Variants in CSMD1 observed in about 807,000 individuals in gnomAD.
The protein encoded by CSMD1 is CUB and sushi domain-containing protein 1.
Under a neutral mutation model 417.5 loss-of-function variants are expected in CSMD1, and 213 were observed. That is an observed-to-expected ratio of 0.51 (90% CI 0.46 to 0.57). CSMD1 has a LOEUF of 0.57. Ranked by LOEUF, CSMD1 falls within the 20% of genes least tolerant of loss-of-function variation. The probability of loss-of-function intolerance (pLI) is 0.00; values close to 1 mark genes in which losing one functional copy is unlikely to be tolerated. For synonymous variants in CSMD1, 2,862 were observed against 1,736.8 expected (o/e 1.65, Z -16.11); for missense variants, 6,923 against 4,529.7 (o/e 1.53, Z -15.17).
intron 12 of CSMD1, among the ~76,000 whole-genome samples, chr8:3,414,351 G>C (rs980113284): frequency 1.3e-5 from 2 of 151,548 alleles, no homozygotes; most frequent in African/African-American, 4.8e-5. Context: ...ACATAGTCCA[G>C]TTACAAATAC....
At chr8:3,242,585 C>T (rs371973200) in intron 26 of CSMD1, among the ~76,000 whole-genome samples, 5 of 151,932 alleles carry the variant, frequency 3.3e-5, no homozygotes, top group Admixed American at 6.6e-5. Context: ...TGGGGTCAAG[C>T]GGCATTGCAG....
At chr8:3,487,040 G>C (rs903220575) in intron 11 of CSMD1, among the ~76,000 whole-genome samples, 1 of 152,060 alleles carries the variant, frequency 6.6e-6, no homozygotes, top group African/African-American at 2.4e-5. Flanking sequence ...TGACACAAAA[G>C]CACTTACCTG....
intron 3 of CSMD1, among the ~76,000 whole-genome samples, chr8:4,033,852 C>A (rs907904606): frequency 1.3e-5 from 2 of 152,268 alleles, no homozygotes; most frequent in South Asian, 2.1e-4. Context: ...TGATTTTGAA[C>A]TGAAACGGTA....
At chr8:4,471,693 G>C (rs111389071) in intron 2 of CSMD1, among the ~76,000 whole-genome samples, 11 of 152,046 alleles carry the variant, frequency 7.2e-5, no homozygotes, top group African/African-American at 2.7e-4. Context: ...AACGCAGAGA[G>C]AACACGACCC....
intron 3 of CSMD1, among the ~76,000 whole-genome samples, chr8:4,099,395 C>G (rs73173829): frequency 0.096 from 14,612 of 152,146 alleles, 790 homozygotes; most frequent in Middle Eastern, 0.19. Context: ...CTATCGCTTA[C>G]CTGAAGCTGC....
chr8:3,005,464 A>T (rs1807806608), intron 52 of CSMD1, among the ~76,000 whole-genome samples: 1 of 152,174 alleles, frequency 6.6e-6, no homozygotes, highest in African/African-American at 2.4e-5. Flanking sequence ...GCAGAAACAC[A>T]ACCAAAAAAG....
At chr8:3,628,004 T>C (rs1223549821) in intron 7 of CSMD1, among the ~76,000 whole-genome samples, 1 of 152,192 alleles carries the variant, frequency 6.6e-6, no homozygotes, top group Non-Finnish European at 1.5e-5. Flanking sequence ...CTAATATGAA[T>C]TCCTATGTAA....
intron 7 of CSMD1, among the ~76,000 whole-genome samples, chr8:3,634,713 C>T (rs1448539206): frequency 6.6e-6 from 1 of 152,080 alleles, no homozygotes; most frequent in East Asian, 1.9e-4. Context: ...ACTGTGCTGC[C>T]TACTCAGCCT....
In CSMD1 at chr8:4,963,411, C is replaced by G. The variant is rs143565898; in HGVS notation, c.85+30921G>C. ...GACGAGGTTTCACCATGTTGACCAG[C>G]TTGGTCTCGAACTCCTGACCTCAAG... On this transcript the variant is annotated intron_variant, in intron 1 of 69. Coordinates refer to ENST00000635120, the MANE Select transcript of CSMD1 (RefSeq NM_033225.6). Among the ~76,000 whole-genome samples the G allele has an allele frequency of 4.2e-3, 642 of 152,092 alleles. 7 individuals carry two copies. Among genetic ancestry groups the G allele is most frequent in the African/African-American group, 0.014 (583 of 41,494 alleles).
intron 5 of CSMD1, among the ~76,000 whole-genome samples, chr8:3,964,432 A>C (rs1812538396): frequency 6.6e-6 from 1 of 152,136 alleles, no homozygotes; most frequent in South Asian, 2.1e-4. Flanking sequence ...TGAGGCCTTA[A>C]TCAGCCAGTG....
rs868460115 is a variant in CSMD1 at position 3,630,727 on chromosome 8, G to T, written c.1010-13930C>A. Among the ~76,000 whole-genome samples the T allele has an allele frequency of 2.1e-3, 271 of 131,798 alleles. 1 individual carries two copies. Among genetic ancestry groups the T allele is most frequent in the African/African-American group, 7.8e-3 (246 of 31,396 alleles). 86.5% of individuals were successfully genotyped at this position (131,798 alleles called of 152,430 possible). A position where few individuals can be genotyped will look rare whatever the true frequency, so the allele number is the denominator to read the frequency against. ...TCCAAGAATTGAGGGAAATGGAGTT[G>T]CCTCTCTGAAGCCACTGAGCCAACG... On this transcript the variant is annotated intron_variant, in intron 7 of 69. Coordinates refer to ENST00000635120, the MANE Select transcript of CSMD1 (RefSeq NM_033225.6).
At chr8:4,651,165 A>G (rs1563069023) in intron 1 of CSMD1, among the ~76,000 whole-genome samples, 1 of 152,200 alleles carries the variant, frequency 6.6e-6, no homozygotes, top group Non-Finnish European at 1.5e-5. Context: ...GAGAAAAAAA[A>G]TCAAATTATT....
At chr8:4,426,970 C>T (rs1332834524) in intron 2 of CSMD1, among the ~76,000 whole-genome samples, 1 of 151,890 alleles carries the variant, frequency 6.6e-6, no homozygotes, top group South Asian at 2.1e-4. Context: ...TAAGACTGGC[C>T]TGGTCTAGGG....
Position 4,144,176 on chromosome 8 carries a change from G to A in CSMD1, c.416-112077C>T, listed in dbSNP as rs574218234. Among the ~76,000 whole-genome samples, 45 of 151,046 alleles carry A rather than the reference G, an allele frequency of 3.0e-4. 2 individuals carry two copies. Among genetic ancestry groups the A allele is most frequent in the African/African-American group, 5.9e-4 (24 of 40,426 alleles). On this transcript the variant is annotated intron_variant, in intron 3 of 69. Transcript: ENST00000635120. The stretch of plus-strand genomic sequence containing the variant: ...TGATACAGCTTTGGGAAGACAGCAC[G>A]AATTGGCCTTAGACCTCCTGCCCCT...
chr8:3,852,579 A>G (rs574356885), intron 5 of CSMD1, among the ~76,000 whole-genome samples: 1 of 152,196 alleles, frequency 6.6e-6, no homozygotes, highest in African/African-American at 2.4e-5. Flanking sequence ...GGAGTAGAGG[A>G]CTTACTCGTG....
chr8:4,572,357 A>G (rs990867851), intron 2 of CSMD1, among the ~76,000 whole-genome samples: 2 of 152,136 alleles, frequency 1.3e-5, no homozygotes, highest in Non-Finnish European at 2.9e-5. Flanking sequence ...GGAGGATTTT[A>G]TTTCTCCTTC....
intron 5 of CSMD1, among the ~76,000 whole-genome samples, chr8:3,857,260 A>C (rs1393198917): frequency 6.6e-6 from 1 of 152,180 alleles, no homozygotes; most frequent in African/African-American, 2.4e-5. Context: ...CAATATTTAC[A>C]AATGGAGTAA....
chr8:4,009,845 T>C (rs189609032), intron 4 of CSMD1, among the ~76,000 whole-genome samples: 6 of 152,086 alleles, frequency 3.9e-5, no homozygotes, highest in African/African-American at 7.2e-5. Flanking sequence ...ACTTACTTCA[T>C]GCCTGAGGCC....
At chr8:3,984,839 G>C (rs1442426504) in intron 5 of CSMD1, among the ~76,000 whole-genome samples, 2 of 149,410 alleles carry the variant, frequency 1.3e-5, no homozygotes, top group African/African-American at 2.5e-5. Context: ...AAGAGAAAAA[G>C]GAGCAAGAAG....
Sources: allele counts gnomAD v4.1 joint callset (sites outside exome capture counted in the v4.1 genomes callset), GRCh38; gene constraint gnomAD v4.1.1; transcripts MANE v1.5; gene names NCBI Gene and HGNC (gene_info 2026-07-23, HGNC 2026-07-21).